Variants in GPI observed in about 807,000 individuals in gnomAD.
GPI encodes glucose-6-phosphate isomerase, also known as D-hexose-6-phosphate anomerase.
A neutral mutation model predicts 75.8 loss-of-function variants in GPI; 56 were observed. That is an observed-to-expected ratio of 0.74 (90% confidence interval 0.60 to 0.92). The LOEUF is 0.92. GPI is among the 40% of genes least tolerant of loss of function. The probability of loss-of-function intolerance (pLI) is 0.00; values close to 1 mark genes in which losing one functional copy is unlikely to be tolerated. For synonymous variants in GPI, 288 were observed against 285.4 expected (o/e 1.01, Z -0.09); for missense variants, 638 against 741.0 (o/e 0.86, Z 1.61).
At position 34,392,822 on chromosome 19, in the gene GPI, G is replaced by T. The variant is rs533738654; in HGVS notation, c.805-426G>T. On this transcript the variant is annotated intron_variant, in intron 9 of 17. Transcript: ENST00000356487. ...GATCTGGTATGAGTATGAGGATCTG[G>T]GTGTGTCCGTGTCTGAGGAGGTGGG... is the stretch of plus-strand genomic sequence containing the variant. The T allele has an allele frequency of 3.3e-5, 9 of 274,406 alleles. No individual in the cohort carries two copies. The East Asian group carries it at 6.1e-4, about 19-fold the overall frequency. The allele number at this position is 274,406 out of a possible 1,614,324, so 17.0% of individuals were successfully genotyped here.
In GPI at chr19:34,381,476, AG is replaced by A; in HGVS notation, c.763del (p.Glu255SerfsTer147). The A allele has an allele frequency of 6.9e-6, 11 of 1,605,698 alleles. No individual in the cohort carries two copies. The highest frequency in any genetic ancestry group is 9.4e-6 in the Non-Finnish European group (11 of 1,172,598). On this transcript the variant is annotated frameshift_variant, in exon 9 of 18. Transcript: ENST00000356487. LOFTEE classifies it high-confidence loss of function. Reference sequence around the variant, plus strand: ...TTTTTTTTTTTGTAGACCAAAGTGAAGGAGTTTGGAATTGACCCTCAAAACA... The same window carrying A: ...TTTTTTTTTTTGTAGACCAAAGTGAAGAGTTTGGAATTGACCCTCAAAACA... ...VALSTNTTKV[K>X]EFGIDPQNMF...
intron 9 of GPI, among the ~76,000 whole-genome samples, chr19:34,387,711 G>A (rs562911888): frequency 1.3e-5 from 2 of 152,064 alleles, no homozygotes; most frequent in African/African-American, 4.8e-5. Context: ...CCTGACATTA[G>A]CAGTGAGTCT....
At chr19:34,392,215 G>GGAGGTAA (rs2074861866) in intron 9 of GPI, 1 of 9,062 alleles carries the variant, frequency 1.1e-4, no homozygotes, top group Non-Finnish European at 2.3e-4. Flanking sequence ...CCCCTTATGA[G>GGAGGTAA]GATCTGAGTC....
At chr19:34,395,930 CTT>C (rs397974365) in intron 12 of GPI, among the ~76,000 whole-genome samples, 2 of 138,730 alleles carry the variant, frequency 1.4e-5, no homozygotes, top group Admixed American at 7.2e-5. Context: ...CTTTCTTTTC[CTT>C]TTTTTTTTTT....
chr19:34,372,443 A>G (rs898430906), intron 4 of GPI, among the ~76,000 whole-genome samples: 2 of 152,106 alleles, frequency 1.3e-5, no homozygotes, highest in Non-Finnish European at 2.9e-5. Flanking sequence ...GGAGTATAAT[A>G]CCAGCCTGGG....
At chr19:34,388,189 GAA>G (rs2074766382) in intron 9 of GPI, among the ~76,000 whole-genome samples, 1 of 152,156 alleles carries the variant, frequency 6.6e-6, no homozygotes, top group African/African-American at 2.4e-5. Flanking sequence ...TAAAAGTGAG[GAA>G]AGTTGCCAGG....
intron 9 of GPI, among the ~76,000 whole-genome samples, chr19:34,383,022 G>C (rs541463446): frequency 6.6e-6 from 1 of 152,332 alleles, no homozygotes; most frequent in South Asian, 2.1e-4. Flanking sequence ...CATCAGCTCA[G>C]GCCTAGGGAT....
chr19:34,368,686 T>TG lies in GPI; in HGVS notation c.387dup (p.Lys130GlufsTer11), dbSNP rs1335247615. The TG allele has an allele frequency of 1.2e-6, 2 of 1,614,082 alleles. No homozygotes were observed. Among genetic ancestry groups the TG allele is most frequent in the Non-Finnish European group, 1.7e-6 (2 of 1,180,058 alleles). On this transcript the variant is annotated frameshift_variant, in exon 4 of 18. Transcript: ENST00000356487. LOFTEE classifies it high-confidence loss of function. ...GAGGTCAACAAGGTTCTGGACAAGA[T>TG]GAAGTCTTTCTGCCAGGTAAGTGGC...
At chr19:34,399,424 G>T in intron 15 of GPI, 89 bp downstream of exon 15, 1 of 1,587,192 alleles carries the variant, frequency 6.3e-7, no homozygotes, top group Non-Finnish European at 8.7e-7. Context: ...GGCGTGCCTG[G>T]CTTGTCCTAC....
At chr19:34,381,545 G>A (rs75195216) in intron 9 of GPI, 26 bp downstream of exon 9, 12 of 1,508,896 alleles carry the variant, frequency 8.0e-6, no homozygotes, top group Admixed American at 1.7e-5. Context: ...TCTGCACTGG[G>A]TGAATTAAGT....
upstream of GPI, among the ~76,000 whole-genome samples, chr19:34,362,877 A>G (rs2074308450): frequency 1.3e-5 from 2 of 152,210 alleles, no homozygotes; most frequent in African/African-American, 4.8e-5. Flanking sequence ...GGCATAAGTT[A>G]TGTGCTCATC....
At chr19:34,389,453 C>T (rs2074789688) in intron 9 of GPI, among the ~76,000 whole-genome samples, 1 of 152,200 alleles carries the variant, frequency 6.6e-6, no homozygotes, top group Admixed American at 6.5e-5. Flanking sequence ...TGCTATGCTT[C>T]CCCCTGCCTC....
upstream of GPI, among the ~76,000 whole-genome samples, chr19:34,364,019 ATTTTCTTTTC>A (rs550153142): frequency 3.3e-5 from 5 of 151,148 alleles, no homozygotes; most frequent in Admixed American, 6.6e-5. Flanking sequence ...GCCTTTCCCT[ATTTTCTTTTC>A]TTTTCTTTTC....
intron 9 of GPI, among the ~76,000 whole-genome samples, chr19:34,390,602 AG>A (rs1318547192): frequency 1.3e-4 from 19 of 149,900 alleles, no homozygotes; most frequent in Non-Finnish European, 5.9e-5. Context: ...AGATAACAGC[AG>A]GTTACAGGTA....
At chr19:34,366,982 G>A in intron 3 of GPI, 131 bp downstream of exon 3, 1 of 766,442 alleles carries the variant, frequency 1.3e-6, no homozygotes. Context: ...GGGCCTGAAG[G>A]CCTTTTTCCT....
At chr19:34,383,581 T>G (rs933792835) in intron 9 of GPI, among the ~76,000 whole-genome samples, 1 of 152,100 alleles carries the variant, frequency 6.6e-6, no homozygotes, top group Non-Finnish European at 1.5e-5. Context: ...TGGGCAGAGC[T>G]CAGGGCGTCA....
chr19:34,395,977 T>C (rs2074938693), intron 12 of GPI, among the ~76,000 whole-genome samples: 2 of 151,240 alleles, frequency 1.3e-5, no homozygotes, highest in South Asian at 4.2e-4. Context: ...TTGCTCTTGT[T>C]GCCCAGTCTG....
At chr19:34,389,549 A>G (rs2074791391) in intron 9 of GPI, among the ~76,000 whole-genome samples, 1 of 152,130 alleles carries the variant, frequency 6.6e-6, no homozygotes, top group Non-Finnish European at 1.5e-5. Flanking sequence ...TCGTGTCTAG[A>G]AGGTTACTAG....
At chr19:34,389,911 GCTGTTAGGAAGACATC>G (rs2074796731) in intron 9 of GPI, among the ~76,000 whole-genome samples, 1 of 152,208 alleles carries the variant, frequency 6.6e-6, no homozygotes, top group Non-Finnish European at 1.5e-5. Flanking sequence ...TCCATAAACA[GCTGTTAGGAAGACATC>G]CGTGAAGTTC....
Sources: allele counts gnomAD v4.1 joint callset (sites outside exome capture counted in the v4.1 genomes callset), GRCh38; gene constraint gnomAD v4.1.1; transcripts MANE v1.5; gene names NCBI Gene and HGNC (gene_info 2026-07-23, HGNC 2026-07-21).